Variants in SGCD observed in about 807,000 individuals in gnomAD.
SGCD encodes delta-sarcoglycan.
In SGCD, 18 loss-of-function variants were observed where a neutral mutation model predicts 36.6. The ratio of observed to expected loss-of-function variants is 0.49; its 90% confidence interval spans 0.34 to 0.73. The LOEUF (loss-of-function observed/expected upper bound fraction) is 0.73. Among genes scored for constraint, SGCD ranks in the 30% least tolerant of loss-of-function variants. The probability of loss-of-function intolerance (pLI) is 0.01; values close to 1 mark genes in which losing one functional copy is unlikely to be tolerated. For synonymous variants in SGCD, 133 were observed against 130.6 expected (o/e 1.02, Z -0.12); for missense variants, 387 against 346.7 (o/e 1.12, Z -0.92).
At chr5:156,521,002 G>T (rs770721933) in intron 4 of SGCD, among the ~76,000 whole-genome samples, 1 of 125,828 alleles carries the variant, frequency 7.9e-6, no homozygotes, top group Non-Finnish European at 1.6e-5. Flanking sequence ...GAGTGACAGA[G>T]CGAGACTCCG....
At chr5:156,674,648 C>T (rs1309681760) in intron 7 of SGCD, among the ~76,000 whole-genome samples, 5 of 152,124 alleles carry the variant, frequency 3.3e-5, no homozygotes, top group African/African-American at 1.2e-4. Flanking sequence ...CTCAGGTCTG[C>T]TCTCATATGA....
intron 3 of SGCD, among the ~76,000 whole-genome samples, chr5:156,216,551 TTA>T (rs1764579425): frequency 1.3e-5 from 2 of 152,312 alleles, no homozygotes; most frequent in African/African-American, 4.8e-5. Flanking sequence ...CAGCTCTCTC[TTA>T]TGTCACTACC....
rs11134754 is a variant in SGCD, at chr5:155,931,531, G to T, written c.-282+61107G>T. Among the ~76,000 whole-genome samples the T allele has an allele frequency of 2.4e-3, 358 of 152,160 alleles. 2 individuals are homozygous for T. Among genetic ancestry groups the T allele is most frequent in the East Asian group, 0.021 (111 of 5,172 alleles). On this transcript the variant is annotated intron_variant, in intron 1 of 9. Transcript: ENST00000517913. ...CTCTATAAGGATTCAAAATTGTGGG[G>T]TTTTTTGTTTTTTAAGTGCTTGGGG...
the SGCD span, among the ~76,000 whole-genome samples, chr5:155,740,075 A>G: frequency 3.3e-5 from 5 of 152,184 alleles, no homozygotes; most frequent in Non-Finnish European, 7.3e-5. Context: ...ATGCATTCAT[A>G]TATTTTTATT....
chr5:156,152,411 A>C (rs1369597239), intron 3 of SGCD, among the ~76,000 whole-genome samples: 1 of 151,636 alleles, frequency 6.6e-6, no homozygotes, highest in Non-Finnish European at 1.5e-5. Context: ...AGTCATTTAA[A>C]TCATATATCT....
chr5:156,400,748 C>T (rs1427517839), intron 3 of SGCD, among the ~76,000 whole-genome samples: 4 of 152,190 alleles, frequency 2.6e-5, no homozygotes, highest in African/African-American at 9.7e-5. Flanking sequence ...CTTTTTACTT[C>T]TTGGACTCTC....
chr5:155,745,969 C>G, the SGCD span, among the ~76,000 whole-genome samples: 1 of 152,222 alleles, frequency 6.6e-6, no homozygotes, highest in Non-Finnish European at 1.5e-5. Context: ...AGAAAATCCT[C>G]TCCTGTGTGT....
At chr5:156,544,068 G>A (rs917551102) in intron 4 of SGCD, among the ~76,000 whole-genome samples, 10 of 152,198 alleles carry the variant, frequency 6.6e-5, no homozygotes, top group African/African-American at 2.2e-4. Flanking sequence ...ATACACAGAA[G>A]TGAGGATGAG....
intron 4 of SGCD, among the ~76,000 whole-genome samples, chr5:156,523,900 C>T (rs902876227): frequency 6.6e-6 from 1 of 151,060 alleles, no homozygotes; most frequent in African/African-American, 2.4e-5. Flanking sequence ...TACGTTTTTA[C>T]TTAATGTCCT....
At chr5:156,637,231 ATGATTGT>A (rs1762862457) in intron 6 of SGCD, among the ~76,000 whole-genome samples, 1 of 152,082 alleles carries the variant, frequency 6.6e-6, no homozygotes, top group African/African-American at 2.4e-5. Flanking sequence ...CCCCTCCACC[ATGATTGT>A]AAGTTTCCTG....
At chr5:156,168,270 G>C (rs2127620955) in intron 3 of SGCD, among the ~76,000 whole-genome samples, 1 of 152,106 alleles carries the variant, frequency 6.6e-6, no homozygotes. Context: ...GTGCAAACTA[G>C]AATGTTCGTT....
intron 4 of SGCD, among the ~76,000 whole-genome samples, chr5:156,582,823 A>G (rs28433116): frequency 0.24 from 35,201 of 146,574 alleles, 4,173 homozygotes; most frequent in African/African-American, 0.31. Flanking sequence ...GTGCACGCGC[A>G]CACACACACA....
intron 4 of SGCD, among the ~76,000 whole-genome samples, chr5:156,531,573 GGGTC>G (rs1757889806): frequency 6.6e-6 from 1 of 152,154 alleles, no homozygotes; most frequent in Non-Finnish European, 1.5e-5. Flanking sequence ...ACACATCACA[GGGTC>G]GGTGGTCCTG....
intron 3 of SGCD, among the ~76,000 whole-genome samples, chr5:156,133,383 A>AT (rs1283045479): frequency 6.6e-6 from 1 of 152,052 alleles, no homozygotes; most frequent in Non-Finnish European, 1.5e-5. Flanking sequence ...ATATAATCTC[A>AT]TTTTTTCACT....
At chr5:156,207,131 T>G (rs1037718531) in intron 3 of SGCD, among the ~76,000 whole-genome samples, 1 of 152,096 alleles carries the variant, frequency 6.6e-6, no homozygotes, top group Non-Finnish European at 1.5e-5. Context: ...AGATTTTAGA[T>G]CTCACTATTT....
At chr5:156,638,653 A>G (rs1034072802) in intron 6 of SGCD, among the ~76,000 whole-genome samples, 2 of 152,118 alleles carry the variant, frequency 1.3e-5, no homozygotes, top group African/African-American at 4.8e-5. Context: ...ATCAAAAACG[A>G]TGTACTCATA....
intron 1 of SGCD, among the ~76,000 whole-genome samples, chr5:156,012,374 T>C (rs1758878539): frequency 6.6e-6 from 1 of 152,044 alleles, no homozygotes; most frequent in Non-Finnish European, 1.5e-5. Flanking sequence ...TTTGAAAATT[T>C]ATCTTAGAAT....
At chr5:156,741,567 A>G (rs1335928753) in intron 7 of SGCD, among the ~76,000 whole-genome samples, 3 of 149,690 alleles carry the variant, frequency 2.0e-5, no homozygotes, top group African/African-American at 7.7e-5. Context: ...TAAACCTGGG[A>G]GAGATGACCA....
the SGCD span, among the ~76,000 whole-genome samples, chr5:155,858,305 A>T: frequency 6.6e-6 from 1 of 152,178 alleles, no homozygotes; most frequent in South Asian, 2.1e-4. Flanking sequence ...TATGGTGGAT[A>T]GATTCATGAT....
Sources: gnomAD v4.1 joint callset for allele counts (sites outside exome capture counted in the v4.1 genomes callset) on GRCh38, gnomAD v4.1.1 for gene constraint, MANE v1.5 for transcripts, NCBI Gene and HGNC (gene_info 2026-07-23, HGNC 2026-07-21) for gene names.